Variants in MYO1H observed in about 807,000 individuals in gnomAD.
The protein encoded by MYO1H is unconventional myosin-Ih.
MYO1H carries 118 observed loss-of-function variants against 149.3 expected under a neutral mutation model. The observed-to-expected ratio is 0.79, with a 90% confidence interval of 0.68 to 0.92. MYO1H has a LOEUF of 0.92. Ranked by LOEUF, MYO1H falls within the 40% of genes least tolerant of loss-of-function variation. The pLI is 0.00. For synonymous variants in MYO1H, 447 were observed against 465.2 expected (o/e 0.96, Z 0.50); for missense variants, 1,212 against 1,280.7 (o/e 0.95, Z 0.82).
At chr12:109,415,672 T>C in intron 15 of MYO1H, 52 bp downstream of exon 15, 1 of 1,358,338 alleles carries the variant, frequency 7.4e-7, no homozygotes. Flanking sequence ...CAGCCTGGTG[T>C]CTTACAATAA....
At chr12:109,402,711 G>T (rs1391001901) in intron 6 of MYO1H, among the ~76,000 whole-genome samples, 2 of 152,222 alleles carry the variant, frequency 1.3e-5, no homozygotes, top group East Asian at 3.9e-4. Flanking sequence ...CTAGAACAAA[G>T]AATAAATCAA....
chr12:109,421,925 G>A (rs1193810577), intron 16 of MYO1H, among the ~76,000 whole-genome samples: 2 of 152,080 alleles, frequency 1.3e-5, no homozygotes, highest in Admixed American at 6.6e-5. Context: ...TCCTGGGCTC[G>A]AGTGATCCTC....
At chr12:109,384,871 G>A (rs958450277) in intron 1 of MYO1H, among the ~76,000 whole-genome samples, 3 of 152,066 alleles carry the variant, frequency 2.0e-5, no homozygotes, top group African/African-American at 7.2e-5. Flanking sequence ...AATATTTCTG[G>A]GTGCAGCTCC....
At chr12:109,377,818 A>G (rs1869114612) in intron 1 of MYO1H, among the ~76,000 whole-genome samples, 1 of 152,232 alleles carries the variant, frequency 6.6e-6, no homozygotes, top group African/African-American at 2.4e-5. Context: ...AAAAGTAGAA[A>G]GAATAGTATA....
At chr12:109,410,581 A>C in intron 12 of MYO1H, 107 bp from the exon 13 acceptor site, 1 of 732,238 alleles carries the variant, frequency 1.4e-6, no homozygotes, top group Non-Finnish European at 2.3e-6. Flanking sequence ...AAGGTTGAAT[A>C]TAAAAACTAG....
intron 1 of MYO1H, among the ~76,000 whole-genome samples, chr12:109,355,565 C>T (rs1054273511): frequency 6.6e-6 from 1 of 152,142 alleles, no homozygotes; most frequent in Non-Finnish European, 1.5e-5. Flanking sequence ...GAGCCCTCCT[C>T]TTGTGGGTTT....
intron 10 of MYO1H, 52 bp from the exon 11 acceptor site, chr12:109,409,505 G>C: frequency 6.6e-7 from 1 of 1,506,966 alleles, no homozygotes; most frequent in Non-Finnish European, 9.2e-7. Context: ...ACAGTTTTGA[G>C]TAGCACAAAG....
chr12:109,404,253 G>A (rs894095987), intron 7 of MYO1H, among the ~76,000 whole-genome samples, 173 bp downstream of exon 7: 7 of 152,022 alleles, frequency 4.6e-5, no homozygotes, highest in East Asian at 1.9e-4. Flanking sequence ...CAAGGCGGGC[G>A]GATCACTTGA....
the MYO1H span, among the ~76,000 whole-genome samples, chr12:109,339,239 C>G: frequency 1.3e-5 from 2 of 152,066 alleles, no homozygotes; most frequent in East Asian, 3.9e-4. Context: ...GTGGCAGGCA[C>G]CTGTAATCCC....
chr12:109,443,162 ATATGTGTACGTATGTGTG>A (rs1695626396), intron 27 of MYO1H, among the ~76,000 whole-genome samples: 3 of 134,088 alleles, frequency 2.2e-5, no homozygotes, highest in Non-Finnish European at 4.7e-5. Flanking sequence ...ATGTGTGTGT[ATATGTGTACGTATGTGTG>A]TATATGTGTA....
intron 1 of MYO1H, among the ~76,000 whole-genome samples, chr12:109,365,456 G>A (rs1169305893): frequency 2.0e-5 from 3 of 152,056 alleles, no homozygotes; most frequent in East Asian, 1.9e-4. Flanking sequence ...TTATGGCTTC[G>A]GGGCTTTCTT....
the MYO1H span, among the ~76,000 whole-genome samples, chr12:109,315,861 C>T: frequency 6.6e-6 from 1 of 152,196 alleles, no homozygotes; most frequent in Non-Finnish European, 1.5e-5. Flanking sequence ...TTGTCAGTAG[C>T]TAATACAAAG....
chr12:109,400,632 T>C (rs192467841), intron 5 of MYO1H, among the ~76,000 whole-genome samples: 2 of 152,260 alleles, frequency 1.3e-5, no homozygotes, highest in East Asian at 3.9e-4. Flanking sequence ...CAAGGATAGA[T>C]AAAGAAGACA....
chr12:109,397,867 G>A (rs376403450), intron 5 of MYO1H, 55 bp downstream of exon 5: 35 of 1,407,968 alleles, frequency 2.5e-5, no homozygotes, highest in South Asian at 5.5e-5. Context: ...TGCCAGTGAC[G>A]GAACCCAAGC....
upstream of MYO1H, among the ~76,000 whole-genome samples, chr12:109,346,064 A>G (rs374707713): frequency 4.6e-5 from 7 of 152,194 alleles, no homozygotes; most frequent in East Asian, 9.6e-4. Context: ...GTCCCTCCAT[A>G]TTTATGGGTT....
upstream of MYO1H, among the ~76,000 whole-genome samples, chr12:109,346,808 A>C (rs1441694939): frequency 6.6e-6 from 1 of 152,100 alleles, no homozygotes; most frequent in Non-Finnish European, 1.5e-5. Flanking sequence ...ATGTCTATAA[A>C]ATTATATATT....
the MYO1H span, among the ~76,000 whole-genome samples, chr12:109,310,690 G>GTGGGCTGTGTA: frequency 6.6e-6 from 1 of 152,202 alleles, no homozygotes; most frequent in African/African-American, 2.4e-5. Context: ...TGGATTTCAA[G>GTGGGCTGTGTA]TTCTATTCAG....
At chr12:109,438,464 C>A in intron 22 of MYO1H, 72 bp from the exon 23 acceptor site, 1 of 1,206,550 alleles carries the variant, frequency 8.3e-7, no homozygotes, top group Non-Finnish European at 1.2e-6. Flanking sequence ...ATGGACAAAG[C>A]CTTCTGGAAA....
chr12:109,447,530 A>G lies in MYO1H; in HGVS notation c.*348A>G, dbSNP rs1872535449. On this transcript the variant is annotated 3_prime_UTR_variant, in exon 32 of 32. Coordinates refer to ENST00000310903, the Ensembl canonical transcript of MYO1H. The stretch of plus-strand genomic sequence containing the variant: ...CTCTGTCAAGCTGCCCTGAGACATG[A>G]TGAAATACTGTGTACAGCAAGTTCT... 7.3e-6 allele frequency: 3 copies of G among 410,472 alleles called. No homozygotes were observed. The Admixed American group carries it at 1.0e-4, about 14-fold the overall frequency. The allele number at this position is 410,472 out of a possible 1,614,324, so 25.4% of individuals were successfully genotyped here. A position where few individuals can be genotyped will look rare whatever the true frequency, so the allele number is the denominator to read the frequency against.
Sources: allele counts gnomAD v4.1 joint callset (sites outside exome capture counted in the v4.1 genomes callset), GRCh38; gene constraint gnomAD v4.1.1; transcripts MANE v1.5; gene names NCBI Gene and HGNC (gene_info 2026-07-23, HGNC 2026-07-21).